ZNF544: variants seen among roughly 807,000 people sequenced by gnomAD.
ZNF544 encodes zinc finger protein AF020591.
ZNF544 carries 10 observed loss-of-function variants against 13.5 expected under a neutral mutation model. The observed-to-expected ratio is 0.74, with a 90% CI of 0.46 to 1.25. ZNF544 has a LOEUF of 1.25. Among genes scored for constraint, ZNF544 ranks in the 50% most tolerant of loss-of-function variants. The pLI, the probability that ZNF544 is intolerant of heterozygous loss-of-function variation, is 0.00. For missense variants in ZNF544, 896 were observed against 845.6 expected, an observed-to-expected ratio of 1.06 and a Z score of -0.74; for synonymous variants, 323 against 300.5, an observed-to-expected ratio of 1.07 and a Z score of -0.77.
rs2049210900 is a variant in ZNF544 at position 58,262,569 on chromosome 19, A to G, written c.1963A>G (p.Thr655Ala). The change falls in exon 7 of 7, where the codon ACT becomes GCT. Residue 655 changes from threonine (T) to alanine (A), a missense_variant. By Grantham distance (58) the Thr-to-Ala change is moderately conservative. Coordinates refer to ENST00000687789, the MANE Select transcript of ZNF544 (RefSeq NM_014480.4). ...SYLVMHQRTH[T>A]GEKPFECSQC... ...CCTTGTGATGCATCAGAGAACTCACACTGGTGAGAAACCTTTTGAGTGTAG... is the reference window on the plus strand; with the variant it reads ...CCTTGTGATGCATCAGAGAACTCACGCTGGTGAGAAACCTTTTGAGTGTAG... The G allele has an allele frequency of 6.2e-7, 1 of 1,614,184 alleles. No homozygotes were observed. Among genetic ancestry groups the G allele is most frequent in the Admixed American group, 1.7e-5 (1 of 60,012 alleles).
Position 58,262,996 on chromosome 19 carries a change from T to C in ZNF544, c.*242T>C. On this transcript the variant is annotated 3_prime_UTR_variant, in exon 7 of 7. Coordinates refer to ENST00000687789, the MANE Select transcript of ZNF544 (RefSeq NM_014480.4). ...GGACACACACTGGAGGCAAACCCTA[T>C]GAATGTGACCATTGCGAGAAAGCCT... 1 of 1,307,472 alleles carries C rather than the reference T, an allele frequency of 7.6e-7. No homozygotes were observed. 81.0% of individuals were successfully genotyped at this position (1,307,472 alleles called of 1,614,324 possible).
At position 58,246,676 on chromosome 19, in the gene ZNF544, G is replaced by T. The variant is rs200005304; in HGVS notation, c.161-35G>T. 4.8e-5 allele frequency: 78 copies of T among 1,610,104 alleles called. No individual in the cohort carries two copies. The African/African-American group carries it at 9.9e-4, about 20-fold the overall frequency. ...CCAGGACATGGTTCTTGGTGTCCAA[G>T]CAGAGGGGCAAGTCCTTTTTCCGTC... On this transcript the variant is annotated intron_variant, in intron 5 of 6. Transcript: ENST00000687789.
chr19:58,264,553 G>A (rs186847704), downstream of ZNF544, among the ~76,000 whole-genome samples: 16 of 151,896 alleles, frequency 1.1e-4, no homozygotes, highest in African/African-American at 3.9e-4. Flanking sequence ...TTAGCCGGGT[G>A]TGGTGGCACA....
chr19:58,261,898 CT>C lies in ZNF544; in HGVS notation c.1293del (p.Gly432GlufsTer48). The C allele has an allele frequency of 5.0e-6, 8 of 1,612,846 alleles. No homozygotes were observed. Among genetic ancestry groups the C allele is most frequent in the Non-Finnish European group, 6.8e-6 (8 of 1,179,778 alleles). Reference sequence around the variant, plus strand: ...CTTATTACACATCAGCGAATTCACACTGGAGAAAAACCGTATCAGTGTATTG... The same window carrying C: ...CTTATTACACATCAGCGAATTCACACGGAGAAAAACCGTATCAGTGTATTG... ...SKLITHQRIH[T>X]GEKPYQCIEC... is the part of the protein sequence containing the mutation. On this transcript the variant is annotated frameshift_variant, in exon 7 of 7. Coordinates refer to ENST00000687789, the MANE Select transcript of ZNF544 (RefSeq NM_014480.4). LOFTEE classifies it low-confidence loss of function (END_TRUNC).
intron 5 of ZNF544, among the ~76,000 whole-genome samples, chr19:58,273,956 C>A (rs961176394): frequency 7.9e-5 from 12 of 151,692 alleles, no homozygotes; most frequent in African/African-American, 2.9e-4. Context: ...CCACCACACC[C>A]GGCTAATTTT....
At chr19:58,240,851 T>C (rs1316256708) in intron 3 of ZNF544, among the ~76,000 whole-genome samples, 1 of 151,852 alleles carries the variant, frequency 6.6e-6, no homozygotes, top group African/African-American at 2.4e-5. Flanking sequence ...GATGTGGCAG[T>C]GTGAACATTC....
chr19:58,248,032 A>G (rs2045635266), intron 6 of ZNF544, among the ~76,000 whole-genome samples: 2 of 150,422 alleles, frequency 1.3e-5, no homozygotes, highest in Non-Finnish European at 1.5e-5. Context: ...TCCTGCCTCA[A>G]CCTCCCAACT....
intron 3 of ZNF544, among the ~76,000 whole-genome samples, chr19:58,242,974 C>T (rs937208459): frequency 1.3e-5 from 2 of 152,074 alleles, no homozygotes; most frequent in African/African-American, 2.4e-5. Flanking sequence ...GGATTACACG[C>T]GTGAGCCACC....
chr19:58,237,034 C>T (rs1286075438), intron 3 of ZNF544, among the ~76,000 whole-genome samples: 1 of 151,680 alleles, frequency 6.6e-6, no homozygotes, highest in Non-Finnish European at 1.5e-5. Flanking sequence ...AGCCACCACA[C>T]CTGGCCTCAT....
chr19:58,261,081 CT>C lies in ZNF544; in HGVS notation c.477del (p.Glu160AsnfsTer12), dbSNP rs971295166. 6.2e-7 allele frequency: 1 copy of C among 1,614,036 alleles called. No individual in the cohort carries two copies. Among genetic ancestry groups the C allele is most frequent in the African/African-American group, 1.3e-5 (1 of 74,926 alleles). On this transcript the variant is annotated frameshift_variant, in exon 7 of 7. Transcript: ENST00000687789. LOFTEE classifies it low-confidence loss of function (END_TRUNC). Reference protein sequence around the residue: ...RLFAQREHCELELGGGYSLPS... With the variant: ...RLFAQREHCEXELGGGYSLPS... Reference sequence around the variant, plus strand: ...GTTTGCTCAAAGGGAACATTGTGAGCTTGAACTTGGGGGAGGTTATTCTCTA... The same window carrying C: ...GTTTGCTCAAAGGGAACATTGTGAGCTGAACTTGGGGGAGGTTATTCTCTA...
Position 58,261,215 on chromosome 19 carries a change from T to C in ZNF544, c.609T>C (p.His203=). ...AACAAAATTCAGCTTTCATTAATCA[T>C]GAGAAAAATGGAGCAGATGGGAAGC... ...ELKQNSAFIN[H]EKNGADGKHC... Residue 203 remains histidine, a synonymous_variant, in exon 7 of 7, where the codon CAT becomes CAC. Transcript: ENST00000687789. 1 of 1,613,678 alleles carries C rather than the reference T, an allele frequency of 6.2e-7. No homozygotes were observed. The highest frequency in any genetic ancestry group is 8.5e-7 in the Non-Finnish European group (1 of 1,179,578).
chr19:58,245,920 C>T (rs975524602), intron 4 of ZNF544: 4 of 334,990 alleles, frequency 1.2e-5, no homozygotes, highest in Non-Finnish European at 2.3e-5. Flanking sequence ...GGAGCTGTCC[C>T]AGTCCGTTTG....
intron 4 of ZNF544, 118 bp downstream of exon 4, chr19:58,244,174 C>A: frequency 1.2e-6 from 1 of 801,740 alleles, no homozygotes; most frequent in Non-Finnish European, 1.9e-6. Context: ...CTGGCCAGTG[C>A]TTCCCAGTGA....
In ZNF544 at chr19:58,263,445, T is replaced by C. The variant is rs2049402696; in HGVS notation, c.*691T>C. On this transcript the variant is annotated 3_prime_UTR_variant, in exon 7 of 7. Coordinates refer to ENST00000687789, the MANE Select transcript of ZNF544 (RefSeq NM_014480.4). ...CATCACACCGCTGCCTTGTGAGAGATTGAGACACTCTAAATAAATAATAAC... is the reference window on the plus strand; with the variant it reads ...CATCACACCGCTGCCTTGTGAGAGACTGAGACACTCTAAATAAATAATAAC... 1.0e-6 allele frequency: 1 copy of C among 985,070 alleles called. No individual in the cohort carries two copies. The highest frequency in any genetic ancestry group is 4.7e-5 in the South Asian group (1 of 21,266). The allele number at this position is 985,070 out of a possible 1,614,324, so 61.0% of individuals were successfully genotyped here.
intron 3 of ZNF544, among the ~76,000 whole-genome samples, chr19:58,242,037 GC>G (rs2146916259): frequency 1.3e-5 from 2 of 152,252 alleles, no homozygotes; most frequent in Non-Finnish European, 2.9e-5. Context: ...CGAAGCTCAT[GC>G]CTAGAGGGGA....
rs574840454 is a variant in ZNF544 at position 58,245,904 on chromosome 19, A to G, written c.34-397A>G. 162 of 322,738 alleles carry G rather than the reference A, an allele frequency of 5.0e-4. 1 individual carries two copies. The highest frequency in any genetic ancestry group is 3.6e-3 in the South Asian group (140 of 39,234). The allele number at this position is 322,738 out of a possible 1,614,324, so 20.0% of individuals were successfully genotyped here. A position where few individuals can be genotyped will look rare whatever the true frequency, so the allele number is the denominator to read the frequency against. On this transcript the variant is annotated intron_variant, in intron 4 of 6. Coordinates refer to ENST00000687789, the MANE Select transcript of ZNF544 (RefSeq NM_014480.4). ...CCAGAAAAGGAATGGTACAGACCAC[A>G]TACATGGAGCTGTCCCAGTCCGTTT... is the stretch of plus-strand genomic sequence containing the variant.
intron 3 of ZNF544, among the ~76,000 whole-genome samples, chr19:58,231,467 C>T (rs1362504788): frequency 6.6e-6 from 1 of 152,108 alleles, no homozygotes; most frequent in Admixed American, 6.5e-5. Flanking sequence ...GGAAGTACAG[C>T]CTGAGTGGTC....
At chr19:58,233,272 T>C (rs546157576) in intron 3 of ZNF544, among the ~76,000 whole-genome samples, 11 of 152,112 alleles carry the variant, frequency 7.2e-5, no homozygotes, top group African/African-American at 2.4e-4. Flanking sequence ...AGAGGAGATA[T>C]AGGTGGGGAC....
At chr19:58,254,864 CTT>C (rs557178874) in intron 6 of ZNF544, among the ~76,000 whole-genome samples, 62 of 138,992 alleles carry the variant, frequency 4.5e-4, no homozygotes, top group African/African-American at 6.1e-4. Context: ...TTCTTTCTTT[CTT>C]TTTTTTTTTT....
Sources: allele counts gnomAD v4.1 joint callset (sites outside exome capture counted in the v4.1 genomes callset), GRCh38; gene constraint gnomAD v4.1.1; transcripts MANE v1.5; gene names NCBI Gene and HGNC (gene_info 2026-07-23, HGNC 2026-07-21).